Variants in EBF4 observed in about 807,000 individuals in gnomAD.
The protein encoded by EBF4 is EBF transcription factor 4, also known as transcription factor COE4.
EBF4 carries 34 observed loss-of-function variants against 67.1 expected under a neutral mutation model. That is an observed-to-expected ratio of 0.51 (90% confidence interval 0.39 to 0.67). The LOEUF is 0.67. EBF4 is among the 30% of genes least tolerant of loss of function. The pLI, the probability that EBF4 is intolerant of heterozygous loss-of-function variation, is 0.00. For missense variants in EBF4, 837 were observed against 873.3 expected, an observed-to-expected ratio of 0.96 and a Z score of 0.52; for synonymous variants, 387 against 377.7, an observed-to-expected ratio of 1.02 and a Z score of -0.29.
In EBF4 at chr20:2,693,709, C is replaced by A; in HGVS notation, c.64C>A (p.Pro22Thr). The A allele has an allele frequency of 7.0e-7, 1 of 1,418,604 alleles. No individual in the cohort carries two copies. Among genetic ancestry groups the A allele is most frequent in the South Asian group, 1.4e-5 (1 of 68,998 alleles). 87.9% of individuals were successfully genotyped at this position (1,418,604 alleles called of 1,614,324 possible). A position where few individuals can be genotyped will look rare whatever the true frequency, so the allele number is the denominator to read the frequency against. The change falls in exon 1 of 17, where the codon CCC becomes ACC. Residue 22 changes from proline (P) to threonine (T), a missense_variant. This residue lies in a region of EBF4 where 86 missense variants were observed against 70.3 expected (regional missense o/e 1.22). Transcript: ENST00000609451. This position sits in a 1 kb window ranked among gnomAD's most constrained non-coding sequence, Gnocchi z 4.6. ...GAACCTGAAGGAGGAGCCGCTGCTG[C>A]CCGCCGGCCTGGGCTCAGTGCGCTC...
At chr20:2,715,593 G>A (rs1279099527) in intron 6 of EBF4, among the ~76,000 whole-genome samples, 1 of 152,124 alleles carries the variant, frequency 6.6e-6, no homozygotes, top group African/African-American at 2.4e-5. Flanking sequence ...ACAATACTGA[G>A]TTTCTATCGC....
Position 2,737,019 on chromosome 20 carries a change from G to A in EBF4, c.558-11530G>A, listed in dbSNP as rs1466225273. 2.6e-5 allele frequency among the ~76,000 whole-genome samples: 4 copies of A among 152,062 alleles called. No homozygotes were observed. In the East Asian group the frequency reaches 5.8e-4, roughly 22 times the overall value. Reference sequence around the variant, plus strand: ...AATCCCAGCACTTTGGGAGGCCAAGGTGGGCAGATCACAAGGTCAGGAGAT... The same window carrying A: ...AATCCCAGCACTTTGGGAGGCCAAGATGGGCAGATCACAAGGTCAGGAGAT... On this transcript the variant is annotated intron_variant, in intron 6 of 16. Transcript: ENST00000609451.
At chr20:2,752,259 G>A in exon 13 of EBF4, 2 of 1,259,226 alleles carry the variant, frequency 1.6e-6, no homozygotes, top group Non-Finnish European at 2.0e-6. Context: ...CGGGGCCCGA[G>A]CCGGGTGCGT....
chr20:2,704,035 CT>C (rs1246785833), intron 1 of EBF4, among the ~76,000 whole-genome samples: 4 of 152,174 alleles, frequency 2.6e-5, no homozygotes, highest in African/African-American at 4.8e-5. Context: ...TGGCTTCCCC[CT>C]GAATCACTAA....
At chr20:2,718,063 C>G (rs950192013) in intron 6 of EBF4, among the ~76,000 whole-genome samples, 2 of 152,236 alleles carry the variant, frequency 1.3e-5, no homozygotes, top group African/African-American at 4.8e-5. Context: ...CCCACCTCAG[C>G]CTTCCAAAGT....
chr20:2,744,559 T>G (rs2088022012), intron 6 of EBF4, among the ~76,000 whole-genome samples: 1 of 135,430 alleles, frequency 7.4e-6, no homozygotes, highest in Admixed American at 8.6e-5. Flanking sequence ...TGGCTCAACC[T>G]TGGCTCACTG....
chr20:2,716,253 G>A (rs6115647), intron 6 of EBF4, among the ~76,000 whole-genome samples: 1 of 148,638 alleles, frequency 6.7e-6, no homozygotes, highest in African/African-American at 2.5e-5. Flanking sequence ...CTTGCCAGGC[G>A]CAGTGGCTCA....
chr20:2,737,133 C>T (rs577115552), intron 6 of EBF4, among the ~76,000 whole-genome samples: 13 of 151,842 alleles, frequency 8.6e-5, no homozygotes, highest in Non-Finnish European at 8.8e-5. Context: ...GCCTGTAGTC[C>T]CAGCTACTCG....
chr20:2,748,473 A>G, intron 6 of EBF4, 76 bp from the exon 7 acceptor site: 1 of 1,393,924 alleles, frequency 7.2e-7, no homozygotes, highest in Non-Finnish European at 9.9e-7. Context: ...GGGAGGGGGC[A>G]TGGCAGGGAG....
intron 6 of EBF4, among the ~76,000 whole-genome samples, chr20:2,727,731 T>A (rs1568576770): frequency 6.6e-6 from 1 of 152,212 alleles, no homozygotes; most frequent in Non-Finnish European, 1.5e-5. Context: ...TGCCAACACT[T>A]ATCATCTTTT....
At position 2,705,636 on chromosome 20, in the gene EBF4, C is replaced by G. The variant is rs951517761; in HGVS notation, c.197C>G (p.Ser66Cys). 1.5e-5 allele frequency: 23 copies of G among 1,553,384 alleles called. No individual in the cohort carries two copies. In the African/African-American group the frequency reaches 2.7e-4, roughly 18 times the overall value. Residue 66 changes from serine (S) to cysteine (C), a missense_variant, in exon 2 of 17, where the codon TCC becomes TGC. Coordinates refer to ENST00000609451, the Ensembl canonical transcript of EBF4. ...CAGCCTCCCTCCAACCTCAGGAAAT[C>G]CAACTTCTTCCACTTCGTGCTGGCC...
At position 2,749,601 on chromosome 20, in the gene EBF4, G is replaced by A. The variant is rs1314015888; in HGVS notation, c.758-19G>A. On this transcript the variant is annotated intron_variant, in intron 8 of 16. Transcript: ENST00000609451. ...ACCTCAGCGCGGTCCCCTGACCTGG[G>A]TCCTCTCCTGCCTCCCAGCTGCCAC... 2.3e-5 allele frequency: 35 copies of A among 1,551,464 alleles called. No homozygotes were observed. The highest frequency in any genetic ancestry group is 2.9e-5 in the Non-Finnish European group (33 of 1,147,884).
At chr20:2,704,664 A>G (rs2087425668) in intron 1 of EBF4, among the ~76,000 whole-genome samples, 1 of 152,310 alleles carries the variant, frequency 6.6e-6, no homozygotes, top group East Asian at 1.9e-4. Flanking sequence ...AAAAGAATTA[A>G]TATTTTCTTC....
At chr20:2,758,228 G>A (rs2088274536) in intron 15 of EBF4, among the ~76,000 whole-genome samples, 1 of 152,156 alleles carries the variant, frequency 6.6e-6, no homozygotes, top group Admixed American at 6.5e-5. Flanking sequence ...CCATCCAACC[G>A]AGCAAAGCCT....
At chr20:2,752,616 C>T (rs1297880146) in intron 14 of EBF4, 71 bp downstream of exon 14, 20 of 1,177,730 alleles carry the variant, frequency 1.7e-5, no homozygotes, top group Middle Eastern at 3.2e-4. Flanking sequence ...CCGCCCCCGC[C>T]CATCCCGGAG....
chr20:2,698,478 C>A (rs939233941), intron 1 of EBF4, among the ~76,000 whole-genome samples: 2 of 152,144 alleles, frequency 1.3e-5, no homozygotes, highest in Non-Finnish European at 2.9e-5. Context: ...GGCAGGAGGG[C>A]CAGGCCCAGC....
chr20:2,743,217 GGTT>G (rs1191166208), intron 6 of EBF4, among the ~76,000 whole-genome samples: 1 of 152,150 alleles, frequency 6.6e-6, no homozygotes, highest in Non-Finnish European at 1.5e-5. Context: ...AATTCTCCTG[GGTT>G]GTTCTCACGT....
chr20:2,698,061 G>A (rs2087321580), intron 1 of EBF4, among the ~76,000 whole-genome samples: 1 of 152,192 alleles, frequency 6.6e-6, no homozygotes, highest in African/African-American at 2.4e-5. Flanking sequence ...TGGGTGGGTG[G>A]CGAGAGGGTG....
At chr20:2,697,552 A>AAAAT (rs113665024) in intron 1 of EBF4, among the ~76,000 whole-genome samples, 1 of 147,082 alleles carries the variant, frequency 6.8e-6, no homozygotes, top group South Asian at 2.2e-4. Flanking sequence ...CTCAAAAAAA[A>AAAAT]AAAGAAAGAA....
Sources: allele counts gnomAD v4.1 joint callset (sites outside exome capture counted in the v4.1 genomes callset), GRCh38; gene constraint gnomAD v4.1.1; regional missense constraint gnomAD v4.1.1; non-coding constraint Gnocchi (gnomAD v3.1); transcripts MANE v1.5; gene names NCBI Gene and HGNC (gene_info 2026-07-23, HGNC 2026-07-21).